Variants in TJP1 observed in about 807,000 individuals in gnomAD.
TJP1 encodes the protein tight junction protein ZO-1.
Under a neutral mutation model 194.2 loss-of-function variants are expected in TJP1, and 43 were observed. The ratio of observed to expected loss-of-function variants is 0.22; its 90% confidence interval spans 0.17 to 0.29. The LOEUF (loss-of-function observed/expected upper bound fraction) is 0.29. Ranked by LOEUF, TJP1 falls within the 10% of genes least tolerant of loss-of-function variation. The pLI, the probability that TJP1 is intolerant of heterozygous loss-of-function variation, is 1.00. For missense variants in TJP1, 1,971 were observed against 2,185.7 expected (o/e 0.90, Z 1.96); for synonymous variants, 801 against 779.0 (o/e 1.03, Z -0.47).
chr15:29,750,194 GAC>G (rs2045165197), intron 8 of TJP1, among the ~76,000 whole-genome samples: 1 of 152,098 alleles, frequency 6.6e-6, no homozygotes, highest in Non-Finnish European at 1.5e-5. Flanking sequence ...TTTTAGTAGA[GAC>G]AGGGTTTCAC....
chr15:29,796,540 T>C (rs1403738874), intron 2 of TJP1, among the ~76,000 whole-genome samples: 1 of 152,148 alleles, frequency 6.6e-6, no homozygotes. Context: ...GGAGATAACA[T>C]TATATTCATA....
chr15:29,765,119 T>TTTAA (rs2046253194), intron 5 of TJP1, among the ~76,000 whole-genome samples: 1 of 151,320 alleles, frequency 6.6e-6, no homozygotes, highest in South Asian at 2.1e-4. Context: ...AAATAAGGAG[T>TTTAA]GGTTAACCAT....
At chr15:29,724,396 C>A (rs1394301940) in intron 18 of TJP1, among the ~76,000 whole-genome samples, 1 of 152,222 alleles carries the variant, frequency 6.6e-6, no homozygotes, top group East Asian at 1.9e-4. Context: ...TAATCTTTAA[C>A]TTGCCAGGGT....
chr15:29,773,500 C>A, intron 2 of TJP1, 143 bp from the exon 3 acceptor site: 1 of 743,230 alleles, frequency 1.3e-6, no homozygotes, highest in Admixed American at 2.8e-5. Flanking sequence ...GCATGGTTAC[C>A]TATTAGAATT....
chr15:29,814,568 C>T (rs1033354219), intron 1 of TJP1, among the ~76,000 whole-genome samples: 5 of 152,052 alleles, frequency 3.3e-5, no homozygotes, highest in East Asian at 1.9e-4. Flanking sequence ...ATTCCAAAAG[C>T]GTGAAAATTC....
intron 8 of TJP1, among the ~76,000 whole-genome samples, chr15:29,743,542 T>G (rs1436716496): frequency 6.6e-6 from 1 of 152,078 alleles, no homozygotes. Context: ...CTGGGCAACA[T>G]AGCAAATTCC....
At chr15:29,893,973 A>G (rs2053396689) in intron 2 of TJP1, among the ~76,000 whole-genome samples, 1 of 152,166 alleles carries the variant, frequency 6.6e-6, no homozygotes, top group Non-Finnish European at 1.5e-5. Context: ...TTGTGTTTTG[A>G]TCAGATACTA....
chr15:29,718,941 C>G lies in TJP1; in HGVS notation c.3201G>C (p.Thr1067=). ...PTYRYESSSY[T]DQFSRNYEHR... ...GTTCATAGTTTCGAGAAAACTGGTCCGTATAGCTTGAGGACTCGTATCTGT... is the reference window on the plus strand; with the variant it reads ...GTTCATAGTTTCGAGAAAACTGGTCGGTATAGCTTGAGGACTCGTATCTGT... Residue 1067 remains threonine (T), a synonymous_variant, in exon 21 of 28, where the codon ACG becomes ACC. Coordinates refer to ENST00000614355, the MANE Select transcript of TJP1 (RefSeq NM_001330239.4). The G allele has an allele frequency of 6.2e-7, 1 of 1,614,066 alleles. No homozygotes were observed. The highest frequency in any genetic ancestry group is 8.5e-7 in the Non-Finnish European group (1 of 1,180,012).
intron 1 of TJP1, among the ~76,000 whole-genome samples, chr15:29,810,319 T>C (rs1324498863): frequency 6.6e-6 from 1 of 152,214 alleles, no homozygotes; most frequent in Admixed American, 6.5e-5. Flanking sequence ...CACTTTTCTA[T>C]AGGTTTGAAA....
At chr15:29,877,039 A>C (rs1351283119) in intron 2 of TJP1, among the ~76,000 whole-genome samples, 1 of 152,220 alleles carries the variant, frequency 6.6e-6, no homozygotes, top group Non-Finnish European at 1.5e-5. Context: ...TTTCTGTGTA[A>C]CATGCCAGTC....
intron 2 of TJP1, among the ~76,000 whole-genome samples, chr15:29,861,630 T>C (rs1451820605): frequency 6.6e-6 from 1 of 152,236 alleles, no homozygotes; most frequent in Non-Finnish European, 1.5e-5. Flanking sequence ...CACTTTTTAA[T>C]TGGCTTGTCT....
At chr15:29,914,393 G>A (rs927564771) in intron 2 of TJP1, among the ~76,000 whole-genome samples, 2 of 152,146 alleles carry the variant, frequency 1.3e-5, no homozygotes, top group Non-Finnish European at 2.9e-5. Flanking sequence ...CCAAAGAGCT[G>A]CACCCCCACC....
chr15:29,741,211 A>G, intron 10 of TJP1, 120 bp downstream of exon 10: 1 of 666,518 alleles, frequency 1.5e-6, no homozygotes, highest in Non-Finnish European at 2.5e-6. Context: ...AAATAATCAT[A>G]GTATTAGGTG....
intron 4 of TJP1, among the ~76,000 whole-genome samples, chr15:29,768,351 AT>A (rs2046447125): frequency 6.6e-6 from 1 of 152,252 alleles, no homozygotes; most frequent in African/African-American, 2.4e-5. Context: ...TCTGTAAAGC[AT>A]TCCTAATGCT....
Position 29,728,038 on chromosome 15 carries a change from C to T in TJP1, c.2018-19G>A. 6.2e-7 allele frequency: 1 copy of T among 1,608,536 alleles called. No individual in the cohort carries two copies. The highest frequency in any genetic ancestry group is 8.5e-7 in the Non-Finnish European group (1 of 1,175,238). ...TCACTCTCTATTCATTATGTCAGGACAAAAATAAGACATCAAATTTTCACT... is the reference window on the plus strand; with the variant it reads ...TCACTCTCTATTCATTATGTCAGGATAAAAATAAGACATCAAATTTTCACT... On this transcript the variant is annotated intron_variant, in intron 15 of 27. Coordinates refer to ENST00000614355, the MANE Select transcript of TJP1 (RefSeq NM_001330239.4).
chr15:29,710,943 T>C lies in TJP1; in HGVS notation c.4260A>G (p.Glu1420=), dbSNP rs1011051809. The change falls in exon 24 of 28, where the codon GAA becomes GAG. Residue 1420 remains glutamate (E), a synonymous_variant. Coordinates refer to ENST00000614355, the MANE Select transcript of TJP1 (RefSeq NM_001330239.4). ...GAGGAGGGGGAGTGGCCTGGATGGG[T>C]TCATAGCGTTTCTCGCCAAATGATC... ...VDRSFGEKRY[E]PIQATPPPPP... 1.2e-5 allele frequency: 20 copies of C among 1,614,004 alleles called. No homozygotes were observed. The highest frequency in any genetic ancestry group is 1.7e-5 in the Non-Finnish European group (20 of 1,179,996).
chr15:29,717,191 A>G (rs190147706), intron 22 of TJP1, among the ~76,000 whole-genome samples: 12 of 152,348 alleles, frequency 7.9e-5, no homozygotes, highest in Non-Finnish European at 1.3e-4. Context: ...GGTCAAGAAC[A>G]GTAAATGATA....
At chr15:29,818,633 TA>T (rs1385074391) in intron 1 of TJP1, among the ~76,000 whole-genome samples, 4 of 151,300 alleles carry the variant, frequency 2.6e-5, no homozygotes, top group African/African-American at 4.9e-5. Context: ...GCCTTCCCAT[TA>T]GGGGGGATTA....
chr15:29,758,884 C>T (rs575250253), intron 8 of TJP1: 41 of 152,214 alleles, frequency 2.7e-4, no homozygotes, highest in Admixed American at 1.3e-4. Flanking sequence ...AAAATAAACA[C>T]CAGGGTTCTC....
Sources: allele counts gnomAD v4.1 joint callset (sites outside exome capture counted in the v4.1 genomes callset), GRCh38; gene constraint gnomAD v4.1.1; transcripts MANE v1.5; gene names NCBI Gene and HGNC (gene_info 2026-07-23, HGNC 2026-07-21).